Variants in ZNF540 observed in about 807,000 individuals in gnomAD.
ZNF540 encodes the protein zinc finger protein 540.
Under a neutral mutation model 11.8 loss-of-function variants are expected in ZNF540, and 3 were observed. The observed-to-expected ratio is 0.25, with a 90% CI of 0.12 to 0.65. The LOEUF (loss-of-function observed/expected upper bound fraction) is 0.65, where lower values mean the gene tolerates loss of function less well. Ranked by LOEUF, ZNF540 falls within the 30% of genes least tolerant of loss-of-function variation. The probability of loss-of-function intolerance (pLI) is 0.83; values close to 1 mark genes in which losing one functional copy is unlikely to be tolerated. For synonymous variants in ZNF540, 247 were observed against 259.0 expected, an observed-to-expected ratio of 0.95 and a Z score of 0.45; for missense variants, 709 against 793.1, an observed-to-expected ratio of 0.89 and a Z score of 1.27.
intron 4 of ZNF540, among the ~76,000 whole-genome samples, chr19:37,608,284 G>A (rs1483735455): frequency 6.6e-6 from 1 of 152,028 alleles, no homozygotes; most frequent in East Asian, 1.9e-4. Flanking sequence ...ACATCTTCAA[G>A]TGCAGAGACT....
chr19:37,564,196 G>A (rs1382577348), intron 1 of ZNF540: 1 of 154,394 alleles, frequency 6.5e-6, no homozygotes, highest in East Asian at 1.9e-4. Flanking sequence ...CACCATTTGA[G>A]TTCTCTAACA....
upstream of ZNF540, among the ~76,000 whole-genome samples, chr19:37,590,283 G>A (rs930355022): frequency 5.9e-5 from 9 of 152,152 alleles, no homozygotes; most frequent in South Asian, 2.1e-4. Context: ...TGGGCGTGGT[G>A]GTGGGCACCT....
rs116208546 is a variant in ZNF540, at chr19:37,564,828, G to A, written c.-73+13163G>A. On this transcript the variant is annotated intron_variant, in intron 1 of 4. Coordinates refer to the ZNF540 transcript ENST00000592533. ...CCACGAATAAAAGCCTTCCCACACTGTTTACATTCATAAGGTTTTTCACCT... is the reference window on the plus strand; with the variant it reads ...CCACGAATAAAAGCCTTCCCACACTATTTACATTCATAAGGTTTTTCACCT... The A allele has an allele frequency of 4.6e-3, 7,496 of 1,613,692 alleles. 68 individuals are homozygous for A. Among genetic ancestry groups the A allele is most frequent in the Non-Finnish European group, 3.6e-3 (4,295 of 1,179,848 alleles).
intron 1 of ZNF540, among the ~76,000 whole-genome samples, chr19:37,595,999 A>T (rs1464823532): frequency 1.3e-5 from 2 of 152,016 alleles, no homozygotes; most frequent in Non-Finnish European, 2.9e-5. Context: ...TTTTTTTTTA[A>T]ATTTGAGATG....
chr19:37,588,571 G>T (rs534751588), intron 1 of ZNF540, among the ~76,000 whole-genome samples: 1 of 152,164 alleles, frequency 6.6e-6, no homozygotes, highest in Non-Finnish European at 1.5e-5. Flanking sequence ...GAGAGAAGGA[G>T]GAGGGCAAAG....
At chr19:37,559,586 T>G (rs1344412221) in intron 1 of ZNF540, among the ~76,000 whole-genome samples, 1 of 152,186 alleles carries the variant, frequency 6.6e-6, no homozygotes, top group Admixed American at 6.5e-5. Flanking sequence ...TGTACAGACC[T>G]TATTTAAATC....
At chr19:37,604,295 A>ATTTTT (rs1491343746) in intron 4 of ZNF540, among the ~76,000 whole-genome samples, 3 of 33,912 alleles carry the variant, frequency 8.8e-5, no homozygotes, top group Admixed American at 3.4e-4. Flanking sequence ...AAATAGCCTT[A>ATTTTT]CTTTTTTTTT....
chr19:37,573,668 CAAA>C (rs55763844), intron 1 of ZNF540, among the ~76,000 whole-genome samples: 1 of 88,130 alleles, frequency 1.1e-5, no homozygotes. Flanking sequence ...CTTGTGTCTA[CAAA>C]AAAAAAAAAA....
intron 1 of ZNF540, chr19:37,584,137 T>C (rs772217183): frequency 1.2e-6 from 2 of 1,612,680 alleles, no homozygotes; most frequent in Admixed American, 3.3e-5. Context: ...TCTACAGGAA[T>C]GATTCTGAAG....
upstream of ZNF540, among the ~76,000 whole-genome samples, chr19:37,590,784 A>G (rs1417745175): frequency 1.3e-5 from 2 of 152,208 alleles, no homozygotes; most frequent in African/African-American, 4.8e-5. Context: ...AACCAATGCT[A>G]TGTGAGTACT....
rs752854508 is a variant in ZNF540 at position 37,565,928 on chromosome 19, G to C, written c.-73+14263G>C. 13 of 1,613,692 alleles carry C rather than the reference G, an allele frequency of 8.1e-6. No individual in the cohort carries two copies. The highest frequency in any genetic ancestry group is 7.6e-6 in the Non-Finnish European group (9 of 1,179,890). On this transcript the variant is annotated intron_variant, in intron 1 of 4. Transcript: ENST00000592533. ...GGTATTCCTGTGTTTCTTAACTTCAGAGCATTTTTCTATATTATGATTTTC... is the reference window on the plus strand; with the variant it reads ...GGTATTCCTGTGTTTCTTAACTTCACAGCATTTTTCTATATTATGATTTTC...
intron 1 of ZNF540, chr19:37,583,996 C>G: frequency 6.2e-7 from 1 of 1,612,504 alleles, no homozygotes; most frequent in Non-Finnish European, 8.5e-7. Context: ...TGCTGTAGTT[C>G]TCCAACATCA....
Position 37,611,888 on chromosome 19 carries a change from C to T in ZNF540, c.608C>T (p.Thr203Ile). 1 of 1,613,848 alleles carries T rather than the reference C, an allele frequency of 6.2e-7. No individual in the cohort carries two copies. The highest frequency in any genetic ancestry group is 8.5e-7 in the Non-Finnish European group (1 of 1,179,954). The change falls in exon 5 of 5, where the codon ACT (threonine) becomes ATT (isoleucine). Residue 203 changes from threonine (T) to isoleucine (I), a missense_variant. Transcript: ENST00000316433. ...ACTTTTAATAATGTCTATCAGCTTA[C>T]TCTCCATCAGAAAATTCATACTGGT... is the stretch of plus-strand genomic sequence containing the variant. ...GSTFNNVYQLTLHQKIHTGEK... is the reference protein window; with the variant it reads ...GSTFNNVYQLILHQKIHTGEK...
Position 37,598,459 on chromosome 19 carries a change from A to G in ZNF540, c.9+3A>G. 1 of 1,613,962 alleles carries G rather than the reference A, an allele frequency of 6.2e-7. No individual in the cohort carries two copies. Among genetic ancestry groups the G allele is most frequent in the South Asian group, 1.1e-5 (1 of 91,036 alleles). On this transcript the variant is annotated splice_donor_region_variant and intron_variant, in intron 2 of 4. Coordinates refer to ENST00000316433, the MANE Select transcript of ZNF540 (RefSeq NM_001172225.3). ...GTGAGTGTAAAACCATGGCCCATGT[A>G]AGTCACAGTTTCTCTTTCCTTTTTA...
At chr19:37,581,089 T>C (rs1227302006) in intron 1 of ZNF540, among the ~76,000 whole-genome samples, 1 of 152,172 alleles carries the variant, frequency 6.6e-6, no homozygotes, top group Non-Finnish European at 1.5e-5. Context: ...TTAAAATCCA[T>C]CACCAAAGAA....
intron 1 of ZNF540, chr19:37,560,914 TAAC>T (rs1335745484): frequency 6.6e-6 from 1 of 151,544 alleles, no homozygotes; most frequent in Non-Finnish European, 1.5e-5. Context: ...AACAATCTTG[TAAC>T]AACAGAAAAA....
intron 4 of ZNF540, among the ~76,000 whole-genome samples, chr19:37,603,752 G>A (rs1194213188): frequency 6.6e-6 from 1 of 152,082 alleles, no homozygotes; most frequent in South Asian, 2.1e-4. Context: ...AAAATATGTT[G>A]TACAGAGTAA....
At chr19:37,599,802 G>C in intron 3 of ZNF540, 50 bp downstream of exon 3, 1 of 1,490,036 alleles carries the variant, frequency 6.7e-7, no homozygotes, top group Non-Finnish European at 9.0e-7. Flanking sequence ...TGAAATAGTA[G>C]CTTTCTCTTC....
intron 1 of ZNF540, chr19:37,586,118 G>A (rs1419355816): frequency 6.6e-6 from 1 of 152,536 alleles, no homozygotes. Context: ...ATTGATTTAA[G>A]CCACTAAATT....
Sources: allele counts gnomAD v4.1 joint callset (sites outside exome capture counted in the v4.1 genomes callset), GRCh38; gene constraint gnomAD v4.1.1; transcripts MANE v1.5; gene names NCBI Gene and HGNC (gene_info 2026-07-23, HGNC 2026-07-21).